Variants in GRM3 observed in about 807,000 individuals in gnomAD.
The protein encoded by GRM3 is metabotropic glutamate receptor 3.
A neutral mutation model predicts 70.5 loss-of-function variants in GRM3; 26 were observed. The ratio of observed to expected loss-of-function variants is 0.37; its 90% CI spans 0.27 to 0.51. GRM3 has a LOEUF of 0.51. Ranked by LOEUF, GRM3 falls within the 20% of genes least tolerant of loss-of-function variation. GRM3 has a pLI of 0.93. For synonymous variants in GRM3, 443 were observed against 434.9 expected, an observed-to-expected ratio of 1.02 and a Z score of -0.23; for missense variants, 859 against 1,123.8, an observed-to-expected ratio of 0.76 and a Z score of 3.37.
chr7:86,832,681 A>C (rs1798377436), intron 3 of GRM3, among the ~76,000 whole-genome samples: 1 of 152,166 alleles, frequency 6.6e-6, no homozygotes, highest in African/African-American at 2.4e-5. Context: ...CTGTCTGAGA[A>C]GAAAAAAATA....
intron 1 of GRM3, among the ~76,000 whole-genome samples, chr7:86,718,604 C>A (rs1403073586): frequency 6.6e-6 from 1 of 151,948 alleles, no homozygotes; most frequent in East Asian, 1.9e-4. Context: ...GTTGTTTCAA[C>A]ATTCTCTCAC....
chr7:86,687,653 C>A (rs75523194), intron 1 of GRM3, among the ~76,000 whole-genome samples: 2,500 of 151,800 alleles, frequency 0.016, 71 homozygotes, highest in African/African-American at 0.057. Context: ...AAAATGATCT[C>A]ATAGACATAT....
intron 3 of GRM3, among the ~76,000 whole-genome samples, chr7:86,804,258 A>C (rs568052081): frequency 5.9e-5 from 9 of 152,344 alleles, no homozygotes; most frequent in African/African-American, 2.2e-4. Context: ...ACACTGAACC[A>C]GTAAAGATCA....
rs55934116 is a variant in GRM3, at chr7:86,716,683, CAAA to C, written c.-140-48311_-140-48309del. Among the ~76,000 whole-genome samples, 7 of 139,380 alleles carry C rather than the reference CAAA, an allele frequency of 5.0e-5. No homozygotes were observed. In the East Asian group the frequency reaches 8.2e-4, roughly 16 times the overall value. 91.4% of individuals were successfully genotyped at this position (139,380 alleles called of 152,430 possible). On this transcript the variant is annotated intron_variant, in intron 1 of 5. Coordinates refer to ENST00000361669, the MANE Select transcript of GRM3 (RefSeq NM_000840.3). ...AATTGGCCACTATTCCAGTTATATGCAAAAAAAAAAAAAATAGTTTCTGCTTAT... is the reference window on the plus strand; with the variant it reads ...AATTGGCCACTATTCCAGTTATATGCAAAAAAAAAAATAGTTTCTGCTTAT...
intron 3 of GRM3, among the ~76,000 whole-genome samples, chr7:86,790,390 T>C (rs1360317278): frequency 1.3e-5 from 2 of 152,164 alleles, no homozygotes; most frequent in Non-Finnish European, 2.9e-5. Flanking sequence ...GCTACCACCC[T>C]GGTCCATACC....
chr7:86,647,227 T>G (rs1447382767), intron 1 of GRM3, among the ~76,000 whole-genome samples: 1 of 152,220 alleles, frequency 6.6e-6, no homozygotes, highest in Non-Finnish European at 1.5e-5. Context: ...TTCCTCACTT[T>G]TATTTCATGT....
At chr7:86,689,074 G>A (rs1260825886) in intron 1 of GRM3, among the ~76,000 whole-genome samples, 1 of 150,732 alleles carries the variant, frequency 6.6e-6, no homozygotes, top group Non-Finnish European at 1.5e-5. Context: ...GACAGATATT[G>A]TAAGACTAGT....
At chr7:86,745,792 T>C (rs1796087941) in intron 1 of GRM3, among the ~76,000 whole-genome samples, 1 of 152,138 alleles carries the variant, frequency 6.6e-6, no homozygotes, top group African/African-American at 2.4e-5. Context: ...TCTAAAGATT[T>C]ACAAAACCAT....
intron 1 of GRM3, among the ~76,000 whole-genome samples, chr7:86,762,584 A>C (rs1408235935): frequency 6.6e-6 from 1 of 152,130 alleles, no homozygotes; most frequent in Non-Finnish European, 1.5e-5. Context: ...CATTTCATTA[A>C]TTCTCAATGA....
Position 86,839,981 on chromosome 7 carries a change from C to G in GRM3, c.2391+76C>G. 1 of 806,752 alleles carries G rather than the reference C, an allele frequency of 1.2e-6. No individual in the cohort carries two copies. The highest frequency in any genetic ancestry group is 2.1e-6 in the Non-Finnish European group (1 of 487,640). The allele number at this position is 806,752 out of a possible 1,614,324, so 50.0% of individuals were successfully genotyped here. On this transcript the variant is annotated intron_variant, in intron 4 of 5. Coordinates refer to ENST00000361669, the MANE Select transcript of GRM3 (RefSeq NM_000840.3). The surrounding 1 kb of genome is among the most constrained non-coding windows in gnomAD (Gnocchi z 4.5). Reference sequence around the variant, plus strand: ...TCTTGTGTAGTATTTAAAATAGACTCCTTTTATTTCATCTCAACGAGTTGG... The same window carrying G: ...TCTTGTGTAGTATTTAAAATAGACTGCTTTTATTTCATCTCAACGAGTTGG...
intron 1 of GRM3, among the ~76,000 whole-genome samples, chr7:86,762,048 G>A (rs947133091): frequency 1.3e-5 from 2 of 152,024 alleles, no homozygotes; most frequent in Non-Finnish European, 2.9e-5. Context: ...TGTTTTACTA[G>A]GCACATAAAA....
intron 3 of GRM3, among the ~76,000 whole-genome samples, chr7:86,800,031 C>A (rs1485018030): frequency 6.6e-6 from 1 of 152,198 alleles, no homozygotes; most frequent in Non-Finnish European, 1.5e-5. Context: ...CAACCTACTC[C>A]TGACTGACTC....
rs766759395 is a variant in GRM3 at position 86,765,515 on chromosome 7, G to A, written c.370G>A (p.Glu124Lys). 2 of 1,613,848 alleles carry A rather than the reference G, an allele frequency of 1.2e-6. No individual in the cohort carries two copies. Among genetic ancestry groups the A allele is most frequent in the South Asian group, 2.2e-5 (2 of 91,072 alleles). The change falls in exon 2 of 6, where the codon GAG becomes AAG. Residue 124 changes from glutamate to lysine, a missense_variant. Transcript: ENST00000361669. ...ATCTTTGACAAAAGTGGATGAAGCT[G>A]AGTATATGTGTCCTGATGGATCCTA... ...RASLTKVDEA[E>K]YMCPDGSYAI...
Position 86,676,362 on chromosome 7 carries a change from A to G in GRM3, c.-141+31490A>G, listed in dbSNP as rs557056107. On this transcript the variant is annotated intron_variant, in intron 1 of 5. Transcript: ENST00000361669. ...TAAAAGTGTAAGACTGAATACCATG[A>G]AAAACAATTCCTATACTAACAAAAA... 2.0e-5 allele frequency among the ~76,000 whole-genome samples: 3 copies of G among 152,130 alleles called. No individual in the cohort carries two copies. In the South Asian group the frequency reaches 6.2e-4, roughly 31 times the overall value.
intron 1 of GRM3, among the ~76,000 whole-genome samples, chr7:86,693,618 T>G (rs1011234028): frequency 4.6e-5 from 7 of 152,198 alleles, no homozygotes; most frequent in African/African-American, 1.7e-4. Context: ...GGAGACAACA[T>G]TCTTATGTTT....
At chr7:86,682,576 A>G (rs1163215748) in intron 1 of GRM3, among the ~76,000 whole-genome samples, 1 of 152,172 alleles carries the variant, frequency 6.6e-6, no homozygotes, top group Non-Finnish European at 1.5e-5. Context: ...AGCAGTGATG[A>G]AAATTAAGAA....
chr7:86,859,866 G>T (rs777751320), intron 5 of GRM3, among the ~76,000 whole-genome samples: 10 of 152,222 alleles, frequency 6.6e-5, no homozygotes, highest in Non-Finnish European at 1.5e-4. Context: ...GGATTTTGCA[G>T]AGCAAGACAA....
In GRM3 at chr7:86,839,902, C is replaced by T. The variant is rs769522099; in HGVS notation, c.2388C>T (p.Tyr796=). 10 of 1,509,984 alleles carry T rather than the reference C, an allele frequency of 6.6e-6. No individual in the cohort carries two copies. Among genetic ancestry groups the T allele is most frequent in the Non-Finnish European group, 9.2e-6 (10 of 1,085,452 alleles). The allele number at this position is 1,509,984 out of a possible 1,614,324, so 93.5% of individuals were successfully genotyped here. ...LPIFYVTSSD[Y]RVQTTTMCIS... ...TATTTTATGTGACATCAAGTGACTACAGAGTAAGTCTTTGATTGTTTCTTA... is the reference window on the plus strand; with the variant it reads ...TATTTTATGTGACATCAAGTGACTATAGAGTAAGTCTTTGATTGTTTCTTA... Residue 796 remains tyrosine, a synonymous_variant, in exon 4 of 6, where the codon TAC becomes TAT. Coordinates refer to ENST00000361669, the MANE Select transcript of GRM3 (RefSeq NM_000840.3). The surrounding 1 kb of genome is among the most constrained non-coding windows in gnomAD (Gnocchi z 4.5).
At chr7:86,725,821 G>C (rs971336244) in intron 1 of GRM3, among the ~76,000 whole-genome samples, 1 of 152,068 alleles carries the variant, frequency 6.6e-6, no homozygotes, top group Non-Finnish European at 1.5e-5. Context: ...TTCTTATAAG[G>C]GCCATCCGCC....
Sources: allele counts gnomAD v4.1 joint callset (sites outside exome capture counted in the v4.1 genomes callset), GRCh38; gene constraint gnomAD v4.1.1; non-coding constraint Gnocchi (gnomAD v3.1); transcripts MANE v1.5; gene names NCBI Gene and HGNC (gene_info 2026-07-23, HGNC 2026-07-21).